The following LARP4 variants were observed in gnomAD, a reference collection of about 807,000 sequenced individuals.
LARP4 encodes La ribonucleoprotein 4, also known as la-related protein 4.
Under a neutral mutation model 92.9 loss-of-function variants are expected in LARP4, and 29 were observed. The observed-to-expected ratio is 0.31, with a 90% CI of 0.23 to 0.43. The LOEUF is 0.43. Ranked by LOEUF, LARP4 falls within the 20% of genes least tolerant of loss-of-function variation. The pLI is 1.00. For synonymous variants in LARP4, 279 were observed against 284.1 expected (o/e 0.98, Z 0.18); for missense variants, 732 against 860.0 (o/e 0.85, Z 1.86).
At chr12:50,470,943 G>A (rs1593465202) in intron 13 of LARP4, among the ~76,000 whole-genome samples, 1 of 152,090 alleles carries the variant, frequency 6.6e-6, no homozygotes, top group East Asian at 1.9e-4. Context: ...AATATTTTAG[G>A]CTTTGTGGGC....
rs1399183107 is a variant in LARP4, at chr12:50,478,762, T to G, written c.*2898T>G. Reference sequence around the variant, plus strand: ...TTTGCTATCCTGATAATTAAGGTTTTCATAATACCTAGGGCCTGTCTCTGA... The same window carrying G: ...TTTGCTATCCTGATAATTAAGGTTTGCATAATACCTAGGGCCTGTCTCTGA... On this transcript the variant is annotated 3_prime_UTR_variant, in exon 16 of 16. Transcript: ENST00000398473. 6.6e-6 allele frequency: 1 copy of G among 152,160 alleles called. No individual in the cohort carries two copies. The highest frequency in any genetic ancestry group is 1.5e-5 in the Non-Finnish European group (1 of 68,002). The allele number at this position is 152,160 out of a possible 1,614,324, so 9.4% of individuals were successfully genotyped here.
Position 50,479,112 on chromosome 12 carries a change from G to GT in LARP4, c.*3249dup, listed in dbSNP as rs1957720455. ...AAGAATGTTGCTGGAACGTAAAATA[G>GT]TATTTAAAAGTTAATGAACACTTCT... On this transcript the variant is annotated 3_prime_UTR_variant, in exon 16 of 16. Coordinates refer to ENST00000398473, the MANE Select transcript of LARP4 (RefSeq NM_052879.5). The GT allele has an allele frequency of 6.6e-6, 1 of 152,560 alleles. No individual in the cohort carries two copies. Among genetic ancestry groups the GT allele is most frequent in the South Asian group, 2.1e-4 (1 of 4,834 alleles). 9.5% of individuals were successfully genotyped at this position (152,560 alleles called of 1,614,324 possible).
chr12:50,471,132 T>C (rs1423701835), intron 13 of LARP4, among the ~76,000 whole-genome samples: 1 of 152,080 alleles, frequency 6.6e-6, no homozygotes, highest in East Asian at 1.9e-4. Context: ...TCTAAAAAAA[T>C]AATAATTTAA....
At chr12:50,412,817 A>G (rs1792615166) in intron 1 of LARP4, among the ~76,000 whole-genome samples, 1 of 152,138 alleles carries the variant, frequency 6.6e-6, no homozygotes, top group Non-Finnish European at 1.5e-5. Flanking sequence ...ATGCATTTGG[A>G]CAGTTTACAT....
intron 1 of LARP4, among the ~76,000 whole-genome samples, chr12:50,412,146 A>G (rs1210096756): frequency 6.6e-6 from 1 of 152,246 alleles, no homozygotes; most frequent in Non-Finnish European, 1.5e-5. Context: ...TGTTCCATAA[A>G]TGTAATTACT....
At chr12:50,402,445 G>GT (rs1255144818) in intron 1 of LARP4, among the ~76,000 whole-genome samples, 4 of 152,068 alleles carry the variant, frequency 2.6e-5, no homozygotes, top group Non-Finnish European at 4.4e-5. Flanking sequence ...GTGCCAGCCA[G>GT]TTTTTTTAAG....
At chr12:50,462,697 G>A (rs902114486) in intron 12 of LARP4, 67 bp downstream of exon 12, 9 of 1,064,372 alleles carry the variant, frequency 8.5e-6, no homozygotes, top group Admixed American at 6.3e-5. Context: ...ATTGACTTTC[G>A]GTCTTTCCTT....
intron 8 of LARP4, among the ~76,000 whole-genome samples, chr12:50,449,073 C>G (rs1289333231): frequency 6.6e-6 from 1 of 151,848 alleles, no homozygotes; most frequent in East Asian, 2.0e-4. Flanking sequence ...AACCCTGTCT[C>G]TACTAAAAAT....
intron 15 of LARP4, among the ~76,000 whole-genome samples, 197 bp from the exon 16 acceptor site, chr12:50,475,329 G>T (rs532722040): frequency 6.6e-6 from 1 of 152,268 alleles, no homozygotes; most frequent in South Asian, 2.1e-4. Context: ...ACATCCTTCA[G>T]TTAAATTCCT....
rs548375337 is a variant in LARP4 at position 50,460,616 on chromosome 12, G to A, written c.1122-519G>A. 2.6e-5 allele frequency among the ~76,000 whole-genome samples: 4 copies of A among 152,108 alleles called. No homozygotes were observed. In the East Asian group the frequency reaches 7.8e-4, roughly 30 times the overall value. On this transcript the variant is annotated intron_variant, in intron 10 of 15. Transcript: ENST00000398473. ...TGAGATTACAGGCGTGAGCCACTGTGTCCAGCCCACAACATTTTTTAATGT... is the reference window on the plus strand; with the variant it reads ...TGAGATTACAGGCGTGAGCCACTGTATCCAGCCCACAACATTTTTTAATGT...
chr12:50,458,745 A>G (rs1954800579), intron 10 of LARP4, among the ~76,000 whole-genome samples: 1 of 152,184 alleles, frequency 6.6e-6, no homozygotes, highest in South Asian at 2.1e-4. Context: ...ATTAAACTAC[A>G]TTCTTTTTAT....
intron 8 of LARP4, among the ~76,000 whole-genome samples, chr12:50,449,745 CCATGTTA>C (rs1367533258): frequency 8.6e-5 from 13 of 152,004 alleles, no homozygotes; most frequent in Non-Finnish European, 1.5e-4. Flanking sequence ...TATGTGAAAT[CCATGTTA>C]CATGCTTGAC....
chr12:50,431,644 A>C (rs1949675619), intron 4 of LARP4, among the ~76,000 whole-genome samples: 1 of 152,128 alleles, frequency 6.6e-6, no homozygotes, highest in Non-Finnish European at 1.5e-5. Context: ...CAGGGGTTCA[A>C]GAACAGGCTT....
chr12:50,460,973 T>C (rs1313608324), intron 10 of LARP4, among the ~76,000 whole-genome samples, 162 bp from the exon 11 acceptor site: 2 of 152,102 alleles, frequency 1.3e-5, no homozygotes, highest in Non-Finnish European at 1.5e-5. Context: ...TAAAATAACA[T>C]CTGGAATGTA....
chr12:50,426,727 GTGT>G (rs1948822019), intron 1 of LARP4, among the ~76,000 whole-genome samples: 2 of 107,946 alleles, frequency 1.9e-5, no homozygotes, highest in Admixed American at 9.4e-5. Context: ...GTGTGTGTGT[GTGT>G]GGTTTTTTTT....
intron 1 of LARP4, among the ~76,000 whole-genome samples, chr12:50,425,834 C>G (rs1389391009): frequency 6.6e-6 from 1 of 152,148 alleles, no homozygotes; most frequent in Non-Finnish European, 1.5e-5. Context: ...TGGAACTGTT[C>G]AGCAGAGGCA....
chr12:50,422,295 A>T (rs1269983858), intron 1 of LARP4, among the ~76,000 whole-genome samples: 1 of 152,138 alleles, frequency 6.6e-6, no homozygotes, highest in Admixed American at 6.5e-5. Flanking sequence ...GGGAGATGAT[A>T]CATATAAAGC....
chr12:50,419,756 A>G (rs1001573852), intron 1 of LARP4, among the ~76,000 whole-genome samples: 4 of 151,826 alleles, frequency 2.6e-5, no homozygotes, highest in Non-Finnish European at 5.9e-5. Flanking sequence ...AACAAAAACA[A>G]CCTATCCACG....
At position 50,428,888 on chromosome 12, in the gene LARP4, G is replaced by T. The variant is rs79636252; in HGVS notation, c.167-47G>T. The stretch of plus-strand genomic sequence containing the variant: ...ATACTGCCCAGAGTTCCTGAGAATA[G>T]AATTTAAATAATTCCCATTTACTTT... On this transcript the variant is annotated intron_variant, in intron 2 of 15. Transcript: ENST00000398473. The T allele has an allele frequency of 8.8e-4, 1,275 of 1,456,492 alleles. 19 individuals are homozygous for T. The East Asian group carries it at 0.026, about 30-fold the overall frequency. The allele number at this position is 1,456,492 out of a possible 1,614,324, so 90.2% of individuals were successfully genotyped here. A position where few individuals can be genotyped will look rare whatever the true frequency, so the allele number is the denominator to read the frequency against.
Sources: allele counts gnomAD v4.1 joint callset (sites outside exome capture counted in the v4.1 genomes callset), GRCh38; gene constraint gnomAD v4.1.1; transcripts MANE v1.5; gene names NCBI Gene and HGNC (gene_info 2026-07-23, HGNC 2026-07-21).